SENP5: variants seen among roughly 807,000 people sequenced by gnomAD.
SENP5 encodes sentrin-specific protease 5.
A neutral mutation model predicts 74.2 loss-of-function variants in SENP5; 21 were observed. That is an observed-to-expected ratio of 0.28 (90% confidence interval 0.20 to 0.41). SENP5 has a LOEUF of 0.41. Among genes scored for constraint, SENP5 ranks in the 10% least tolerant of loss-of-function variants. The pLI is 1.00. For synonymous variants in SENP5, 311 were observed against 312.7 expected, an observed-to-expected ratio of 0.99 and a Z score of 0.06; for missense variants, 717 against 889.1, an observed-to-expected ratio of 0.81 and a Z score of 2.46.
chr3:196,904,775 C>T (rs560415113), intron 6 of SENP5, among the ~76,000 whole-genome samples: 37 of 151,750 alleles, frequency 2.4e-4, no homozygotes, highest in Admixed American at 7.9e-4. Flanking sequence ...GGTGACAGAG[C>T]GAGACTCCAT....
chr3:196,884,651 G>A (rs905398496), intron 1 of SENP5, among the ~76,000 whole-genome samples: 2 of 150,254 alleles, frequency 1.3e-5, no homozygotes, highest in Admixed American at 6.6e-5. Flanking sequence ...TCACACTGAG[G>A]TTACAGAAAT....
intron 2 of SENP5, among the ~76,000 whole-genome samples, chr3:196,888,453 C>A (rs1264807585): frequency 1.3e-5 from 2 of 151,818 alleles, no homozygotes; most frequent in African/African-American, 4.8e-5. Flanking sequence ...TGTTGTGGTG[C>A]GTGTCTGTGA....
intron 5 of SENP5, among the ~76,000 whole-genome samples, chr3:196,900,674 C>T (rs575535003): frequency 6.6e-6 from 1 of 152,238 alleles, no homozygotes; most frequent in Admixed American, 6.5e-5. Context: ...CAACCTCCAC[C>T]TCCCGGGTTC....
At chr3:196,879,638 T>C (rs1713636084) in intron 1 of SENP5, among the ~76,000 whole-genome samples, 1 of 152,214 alleles carries the variant, frequency 6.6e-6, no homozygotes. Context: ...GGATCTCATT[T>C]CCTGCATCCT....
In SENP5 at chr3:196,923,449, T is replaced by A. The variant is rs1223806912; in HGVS notation, c.1920T>A (p.Pro640=). The A allele has an allele frequency of 6.2e-7, 1 of 1,612,582 alleles. No homozygotes were observed. The highest frequency in any genetic ancestry group is 1.7e-5 in the Admixed American group (1 of 59,690). The change falls in exon 7 of 10, where the codon CCT becomes CCA. Residue 640 remains proline, a synonymous_variant. Coordinates refer to ENST00000323460, the MANE Select transcript of SENP5 (RefSeq NM_152699.5). ...DLFKKSLLLI[P]IHLEVHWSLI... is the part of the protein sequence containing the mutation. Reference sequence around the variant, plus strand: ...TTAAAAAGAGTCTTCTGTTGATTCCTATTCACCTGGAAGTCCACTGGTCTC... The same window carrying A: ...TTAAAAAGAGTCTTCTGTTGATTCCAATTCACCTGGAAGTCCACTGGTCTC...
chr3:196,876,292 A>G (rs1713463396), intron 1 of SENP5, among the ~76,000 whole-genome samples: 1 of 152,150 alleles, frequency 6.6e-6, no homozygotes, highest in Non-Finnish European at 1.5e-5. Flanking sequence ...CTGTAATTCC[A>G]GCAGGCGGAT....
chr3:196,911,570 AAAG>A (rs1366315535), intron 6 of SENP5, among the ~76,000 whole-genome samples: 2 of 152,030 alleles, frequency 1.3e-5, no homozygotes, highest in African/African-American at 4.8e-5. Flanking sequence ...AAAAAAAAAA[AAAG>A]GACATTTATG....
intron 7 of SENP5, among the ~76,000 whole-genome samples, chr3:196,926,285 C>A (rs1237475470): frequency 6.6e-6 from 1 of 151,914 alleles, no homozygotes; most frequent in Non-Finnish European, 1.5e-5. Flanking sequence ...AGATAGAGAC[C>A]AGCCTGGCCA....
In SENP5 at chr3:196,923,492, T is replaced by C. The variant is rs752577395; in HGVS notation, c.1963T>C (p.Ser655Pro). The C allele has an allele frequency of 1.2e-6, 2 of 1,611,802 alleles. No homozygotes were observed. Among genetic ancestry groups the C allele is most frequent in the Non-Finnish European group, 1.7e-6 (2 of 1,178,094 alleles). The change falls in exon 7 of 10, where the codon TCT becomes CCT. Residue 655 changes from serine (S) to proline (P), a missense_variant. Physicochemically the swap from Ser to Pro is moderately conservative, Grantham distance 74. This residue lies in a region of SENP5 where 85 missense variants were observed against 188.9 expected (regional missense o/e 0.45). Transcript: ENST00000323460. ...VHWSLITVTLSNRIISFYDSQ... is the reference protein window; with the variant it reads ...VHWSLITVTLPNRIISFYDSQ... ...CTGGTCTCTCATTACTGTGACACTC[T>C]CTAATCGAATTATTTCATTTTATGA...
chr3:196,914,587 ATATATATATAT>A (rs1310717407), intron 6 of SENP5: 3 of 39,600 alleles, frequency 7.6e-5, no homozygotes, highest in South Asian at 9.4e-4. Context: ...AAAAAAAAAA[ATATATATATAT>A]ATATATATAT....
At chr3:196,911,138 C>T (rs1715106995) in intron 6 of SENP5, among the ~76,000 whole-genome samples, 1 of 152,128 alleles carries the variant, frequency 6.6e-6, no homozygotes, top group Non-Finnish European at 1.5e-5. Flanking sequence ...CTAGGCAGTA[C>T]CATTCAGGAC....
At chr3:196,907,195 C>T (rs1271216057) in intron 6 of SENP5, among the ~76,000 whole-genome samples, 4 of 151,728 alleles carry the variant, frequency 2.6e-5, no homozygotes, top group Admixed American at 1.3e-4. Context: ...AACGATGGGC[C>T]GGGCACAGTG....
chr3:196,878,179 G>A (rs1464099069), intron 1 of SENP5, among the ~76,000 whole-genome samples: 3 of 152,208 alleles, frequency 2.0e-5, no homozygotes, highest in African/African-American at 7.2e-5. Flanking sequence ...CCTTCAAATA[G>A]TCATGTTATG....
chr3:196,928,594 G>A (rs1421677082), intron 8 of SENP5, among the ~76,000 whole-genome samples: 2 of 152,184 alleles, frequency 1.3e-5, no homozygotes. Flanking sequence ...TTGATACAGA[G>A]TCAGGTCCTT....
chr3:196,923,490 T>A lies in SENP5; in HGVS notation c.1961T>A (p.Leu654His). The A allele has an allele frequency of 6.2e-7, 1 of 1,611,542 alleles. No homozygotes were observed. The highest frequency in any genetic ancestry group is 8.5e-7 in the Non-Finnish European group (1 of 1,177,908). Residue 654 changes from leucine (L) to histidine (H), a missense_variant, in exon 7 of 10, where the codon CTC becomes CAC. Leu to His is a moderately conservative substitution (Grantham distance 99). Around this residue, in one of 4 missense-constraint regions of SENP5, gnomAD observed 85 missense variants for 188.9 expected, o/e 0.45. Coordinates refer to ENST00000323460, the MANE Select transcript of SENP5 (RefSeq NM_152699.5). ...EVHWSLITVT[L>H]SNRIISFYDS... ...CACTGGTCTCTCATTACTGTGACAC[T>A]CTCTAATCGAATTATTTCATTTTAT... is the stretch of plus-strand genomic sequence containing the variant.
At chr3:196,907,065 G>A (rs1714929652) in intron 6 of SENP5, among the ~76,000 whole-genome samples, 1 of 152,114 alleles carries the variant, frequency 6.6e-6, no homozygotes, top group Non-Finnish European at 1.5e-5. Flanking sequence ...ATGACTGGAC[G>A]GCCTATGGTT....
At chr3:196,895,333 C>G (rs1182498300) in intron 2 of SENP5, among the ~76,000 whole-genome samples, 1 of 146,916 alleles carries the variant, frequency 6.8e-6, no homozygotes, top group Non-Finnish European at 1.5e-5. Context: ...CTACAGGCGC[C>G]CGCCACCATG....
At chr3:196,895,341 A>G (rs1714398296) in intron 2 of SENP5, among the ~76,000 whole-genome samples, 1 of 151,662 alleles carries the variant, frequency 6.6e-6, no homozygotes, top group Admixed American at 6.6e-5. Context: ...GCCCGCCACC[A>G]TGCCCGGCTA....
intron 6 of SENP5, chr3:196,914,586 A>AAAAAAAAAAAAAAATATATATATATAT: frequency 6.0e-5 from 2 of 33,500 alleles, no homozygotes; most frequent in Non-Finnish European, 1.0e-4. Flanking sequence ...AAAAAAAAAA[A>AAAAAAAAAAAAAAATATATATATATAT]ATATATATAT....
Sources: allele counts gnomAD v4.1 joint callset (sites outside exome capture counted in the v4.1 genomes callset), GRCh38; gene constraint gnomAD v4.1.1; regional missense constraint gnomAD v4.1.1; transcripts MANE v1.5; gene names NCBI Gene and HGNC (gene_info 2026-07-23, HGNC 2026-07-21).